SLX9: variants seen among roughly 807,000 people sequenced by gnomAD.
SLX9 encodes the protein SLX9 ribosome biogenesis factor.
In SLX9, 19 loss-of-function variants were observed where a neutral mutation model predicts 20.8. That is an observed-to-expected ratio of 0.91 (90% CI 0.64 to 1.34). The LOEUF (loss-of-function observed/expected upper bound fraction) is 1.34. Among genes scored for constraint, SLX9 ranks in the 40% most tolerant of loss-of-function variants. SLX9 has a pLI of 0.00. For synonymous variants in SLX9, 113 were observed against 137.1 expected (o/e 0.82, Z 1.23); for missense variants, 299 against 322.2 (o/e 0.93, Z 0.55).
chr21:44,962,896 G>A (rs1253170451), intron 3 of SLX9, among the ~76,000 whole-genome samples: 3 of 151,982 alleles, frequency 2.0e-5, no homozygotes, highest in Admixed American at 1.3e-4. Context: ...ACTCATTTCC[G>A]TTGCCACCAA....
intron 5 of SLX9, among the ~76,000 whole-genome samples, chr21:44,974,912 T>C (rs773705827): frequency 1.4e-4 from 22 of 151,998 alleles, no homozygotes; most frequent in Non-Finnish European, 2.5e-4. Flanking sequence ...GGGCGACGGG[T>C]TTTCCTCTTG....
At chr21:44,971,454 A>T (rs11701173) in intron 4 of SLX9, among the ~76,000 whole-genome samples, 5 of 151,916 alleles carry the variant, frequency 3.3e-5, no homozygotes, top group East Asian at 3.9e-4. Context: ...CGGTCCCCGC[A>T]GTGGGGAGGG....
rs1203616563 is a variant in SLX9, at chr21:44,967,134, G to T, written c.453G>T (p.Leu151=). 1 of 1,605,422 alleles carries T rather than the reference G, an allele frequency of 6.2e-7. No individual in the cohort carries two copies. Among genetic ancestry groups the T allele is most frequent in the African/African-American group, 1.3e-5 (1 of 74,640 alleles). ...VGDLHPLRDA[L]PELLGLEAGS... is the part of the protein sequence containing the mutation. ...ACCTGCACCCTCTCAGGGATGCCCT[G>T]CCCGAGCTGCTGGGGCTCGAGGCTG... The change falls in exon 4 of 6, where the codon CTG becomes CTT. Residue 151 remains leucine, a synonymous_variant. Coordinates refer to ENST00000291634, the MANE Select transcript of SLX9 (RefSeq NM_058190.4).
chr21:44,963,368 G>A (rs911898556), intron 3 of SLX9, among the ~76,000 whole-genome samples: 5 of 123,728 alleles, frequency 4.0e-5, no homozygotes, highest in Admixed American at 9.6e-5. Flanking sequence ...GATTACAGGC[G>A]TGAGAACTTT....
At chr21:44,956,812 C>T (rs550548122) in intron 2 of SLX9, among the ~76,000 whole-genome samples, 1 of 152,228 alleles carries the variant, frequency 6.6e-6, no homozygotes, top group African/African-American at 2.4e-5. Context: ...GGCTGGGGAC[C>T]AGGTGAGTTG....
rs749820645 is a variant in SLX9 at position 44,976,768 on chromosome 21, C to T, written c.658C>T (p.Arg220Trp). The part of the protein sequence containing the change: ...PLVAIGQTLA[R>W]QMQLEDGGQL Reference sequence around the variant, plus strand: ...GGTGGCCATCGGGCAGACGCTGGCCCGGCAGATGCAGCTGGAAGATGGCGG... The same window carrying T: ...GGTGGCCATCGGGCAGACGCTGGCCTGGCAGATGCAGCTGGAAGATGGCGG... The change falls in exon 6 of 6, where the codon CGG becomes TGG. Residue 220 changes from arginine to tryptophan, a missense_variant. By Grantham distance (101) the Arg-to-Trp change is moderately radical. Transcript: ENST00000291634. The T allele has an allele frequency of 6.4e-5, 100 of 1,551,350 alleles. No individual in the cohort carries two copies. The highest frequency in any genetic ancestry group is 7.7e-5 in the Admixed American group (4 of 51,672).
intron 2 of SLX9, among the ~76,000 whole-genome samples, chr21:44,948,172 G>A (rs558319835): frequency 2.6e-5 from 4 of 151,812 alleles, no homozygotes; most frequent in African/African-American, 7.2e-5. Context: ...AGCATCGGGC[G>A]ATCGGGCATC....
intron 2 of SLX9, chr21:44,959,341 C>T (rs528247267): frequency 6.6e-5 from 57 of 864,278 alleles, no homozygotes; most frequent in African/African-American, 2.0e-4. Flanking sequence ...CAGTTAAGGC[C>T]GAGGAAATGG....
At chr21:44,960,301 A>G in intron 3 of SLX9, 133 bp downstream of exon 3, 1 of 832,076 alleles carries the variant, frequency 1.2e-6, no homozygotes, top group Non-Finnish European at 2.0e-6. Context: ...GGGATCACCC[A>G]AGACACTTCA....
chr21:44,952,057 C>T (rs1199522369), intron 2 of SLX9, among the ~76,000 whole-genome samples: 1 of 147,538 alleles, frequency 6.8e-6, no homozygotes, highest in Non-Finnish European at 1.5e-5. Context: ...TTAAAGTCGC[C>T]GGTTTGATTT....
At chr21:44,966,128 C>T (rs906970193) in intron 3 of SLX9, among the ~76,000 whole-genome samples, 1 of 152,094 alleles carries the variant, frequency 6.6e-6, no homozygotes, top group African/African-American at 2.4e-5. Flanking sequence ...GGCAGGGTGG[C>T]ATCCCCTGAT....
intron 3 of SLX9, among the ~76,000 whole-genome samples, chr21:44,964,264 C>T (rs1053515615): frequency 6.6e-6 from 1 of 152,102 alleles, no homozygotes; most frequent in African/African-American, 2.4e-5. Flanking sequence ...TGCATTAGGT[C>T]TGGTAGTCAT....
Position 44,976,407 on chromosome 21 carries a change from G to A in SLX9, c.570-273G>A, listed in dbSNP as rs146983925. Among the ~76,000 whole-genome samples the A allele has an allele frequency of 9.7e-3, 1,471 of 152,322 alleles. 34 individuals are homozygous for A. Among genetic ancestry groups the A allele is most frequent in the African/African-American group, 0.033 (1,378 of 41,570 alleles). On this transcript the variant is annotated intron_variant, in intron 5 of 5. Transcript: ENST00000291634. ...TGCCGCCGCGTTTCTCAGCCTTGGC[G>A]GCAGCCCCATCAGCCCCAGACTTGC...
Position 44,972,947 on chromosome 21 carries a change from C to T in SLX9, c.501-250C>T, listed in dbSNP as rs1034966338. ...TCCACACGGAGCAGCTTGGGGCCCG[C>T]GGTCACAGGACGGTCAGGCAGTTGC... On this transcript the variant is annotated intron_variant, in intron 4 of 5. Coordinates refer to ENST00000291634, the MANE Select transcript of SLX9 (RefSeq NM_058190.4). 1.4e-5 allele frequency: 8 copies of T among 576,740 alleles called. No homozygotes were observed. In the African/African-American group the frequency reaches 1.4e-4, roughly 10 times the overall value. 35.7% of individuals were successfully genotyped at this position (576,740 alleles called of 1,614,324 possible).
intron 5 of SLX9, 94 bp downstream of exon 5, chr21:44,973,359 C>A: frequency 1.1e-6 from 1 of 873,750 alleles, no homozygotes; most frequent in Non-Finnish European, 1.8e-6. Flanking sequence ...TGTGCCCTCA[C>A]CCCGCCCACC....
intron 2 of SLX9, among the ~76,000 whole-genome samples, chr21:44,946,026 G>T (rs931459720): frequency 6.6e-6 from 1 of 152,228 alleles, no homozygotes; most frequent in Non-Finnish European, 1.5e-5. Flanking sequence ...GAGCCACCAC[G>T]CCCGGCCTGG....
chr21:44,957,609 T>C (rs374956072), intron 2 of SLX9, among the ~76,000 whole-genome samples: 17 of 152,330 alleles, frequency 1.1e-4, no homozygotes, highest in African/African-American at 3.6e-4. Flanking sequence ...TCTTTCACCC[T>C]TTGGGCTTGT....
At chr21:44,973,004 A>ACAGGACGGTCT in intron 4 of SLX9, 193 bp from the exon 5 acceptor site, 1 of 687,858 alleles carries the variant, frequency 1.5e-6, no homozygotes, top group Non-Finnish European at 2.5e-6. Context: ...CAGGACGGTC[A>ACAGGACGGTCT]GGCAGTTGCA....
chr21:44,955,006 GAGTT>G (rs1409814571), intron 2 of SLX9, among the ~76,000 whole-genome samples: 4 of 152,116 alleles, frequency 2.6e-5, no homozygotes. Flanking sequence ...TTGAGGTCAG[GAGTT>G]TGAGACCAGG....
Sources: allele counts gnomAD v4.1 joint callset (sites outside exome capture counted in the v4.1 genomes callset), GRCh38; gene constraint gnomAD v4.1.1; transcripts MANE v1.5; gene names NCBI Gene and HGNC (gene_info 2026-07-23, HGNC 2026-07-21).